The following GPM6A variants were observed in gnomAD, a reference collection of about 807,000 sequenced individuals.
GPM6A encodes the protein neuronal membrane glycoprotein M6-a.
In GPM6A, 7 loss-of-function variants were observed where a neutral mutation model predicts 32.1. The observed-to-expected ratio is 0.22, with a 90% CI of 0.12 to 0.41. The LOEUF (loss-of-function observed/expected upper bound fraction) is 0.41, where lower values mean the gene tolerates loss of function less well. GPM6A is among the 10% of genes least tolerant of loss of function. GPM6A has a pLI of 1.00. For synonymous variants in GPM6A, 130 were observed against 123.4 expected, an observed-to-expected ratio of 1.05 and a Z score of -0.35; for missense variants, 235 against 347.2, an observed-to-expected ratio of 0.68 and a Z score of 2.57.
chr4:175,825,405 C>A (rs1428416904), intron 1 of GPM6A, among the ~76,000 whole-genome samples: 1 of 152,090 alleles, frequency 6.6e-6, no homozygotes, highest in African/African-American at 2.4e-5. Flanking sequence ...TTACCATTGC[C>A]CAGAGGTAAA....
intron 1 of GPM6A, among the ~76,000 whole-genome samples, chr4:175,885,027 A>G (rs1417243204): frequency 6.6e-6 from 1 of 152,204 alleles, no homozygotes; most frequent in Non-Finnish European, 1.5e-5. Flanking sequence ...ATGATTAGCA[A>G]TTCCGCTCTA....
intron 1 of GPM6A, among the ~76,000 whole-genome samples, chr4:175,724,849 C>T (rs1278858901): frequency 1.3e-5 from 2 of 152,066 alleles, no homozygotes; most frequent in Non-Finnish European, 2.9e-5. Context: ...TGTTGTCCCT[C>T]ATAACTGCTC....
chr4:175,746,128 T>C (rs1327271075), intron 1 of GPM6A, among the ~76,000 whole-genome samples: 6 of 152,148 alleles, frequency 3.9e-5, no homozygotes, highest in Non-Finnish European at 8.8e-5. Context: ...AAGGCTAAAA[T>C]TTCTATGTAA....
chr4:175,679,203 C>A (rs1217531176), intron 2 of GPM6A, among the ~76,000 whole-genome samples: 1 of 152,048 alleles, frequency 6.6e-6, no homozygotes, highest in African/African-American at 2.4e-5. Flanking sequence ...GTCTTAATGA[C>A]ATTTATGTTG....
At chr4:175,714,050 A>T (rs1276577312) in intron 1 of GPM6A, among the ~76,000 whole-genome samples, 1 of 151,844 alleles carries the variant, frequency 6.6e-6, no homozygotes. Context: ...CTATTTGTGG[A>T]TGGGTATCAA....
chr4:175,961,637 G>A (rs1740166065), intron 1 of GPM6A, among the ~76,000 whole-genome samples: 1 of 152,116 alleles, frequency 6.6e-6, no homozygotes, highest in Non-Finnish European at 1.5e-5. Context: ...CTACCTTCAG[G>A]AGCCCTACCA....
At chr4:175,678,040 C>T (rs990459078) in intron 2 of GPM6A, among the ~76,000 whole-genome samples, 2 of 152,070 alleles carry the variant, frequency 1.3e-5, no homozygotes, top group South Asian at 2.1e-4. Context: ...GAAAAAACAG[C>T]GTATACGTCT....
chr4:175,996,648 C>G (rs1358143827), intron 1 of GPM6A, among the ~76,000 whole-genome samples: 1 of 152,176 alleles, frequency 6.6e-6, no homozygotes, highest in East Asian at 1.9e-4. Context: ...TCCACCCAGG[C>G]ATGAATTTCC....
At chr4:175,745,069 A>G (rs1037836952) in intron 1 of GPM6A, among the ~76,000 whole-genome samples, 4 of 149,734 alleles carry the variant, frequency 2.7e-5, no homozygotes, top group African/African-American at 9.7e-5. Context: ...TATCTACTGC[A>G]GGAGCCATAA....
intron 1 of GPM6A, among the ~76,000 whole-genome samples, chr4:175,797,883 A>C (rs559331003): frequency 6.6e-6 from 1 of 152,276 alleles, no homozygotes; most frequent in African/African-American, 2.4e-5. Flanking sequence ...TAAATTATGA[A>C]TCACAATTGG....
At chr4:175,823,668 A>C (rs1473662372) in intron 1 of GPM6A, among the ~76,000 whole-genome samples, 2 of 152,230 alleles carry the variant, frequency 1.3e-5, no homozygotes, top group Non-Finnish European at 2.9e-5. Context: ...AACAAGACTC[A>C]AGTTTTCTCA....
At chr4:175,765,065 G>GT (rs753398714) in intron 1 of GPM6A, among the ~76,000 whole-genome samples, 6 of 151,934 alleles carry the variant, frequency 3.9e-5, no homozygotes, top group Non-Finnish European at 7.4e-5. Context: ...GCAGAGATGT[G>GT]TTTTTTCTAT....
At chr4:175,882,640 T>C (rs1178966501) in intron 1 of GPM6A, among the ~76,000 whole-genome samples, 1 of 151,988 alleles carries the variant, frequency 6.6e-6, no homozygotes, top group Non-Finnish European at 1.5e-5. Flanking sequence ...CTTTCATACA[T>C]TTAAAAAATA....
intron 1 of GPM6A, among the ~76,000 whole-genome samples, chr4:175,973,723 T>C (rs1164672899): frequency 6.6e-6 from 1 of 152,180 alleles, no homozygotes; most frequent in Non-Finnish European, 1.5e-5. Flanking sequence ...AGCAGTGAAA[T>C]GGCTAAGAAG....
At chr4:175,717,594 G>T (rs1745905064) in intron 1 of GPM6A, among the ~76,000 whole-genome samples, 2 of 152,012 alleles carry the variant, frequency 1.3e-5, no homozygotes, top group African/African-American at 4.8e-5. Context: ...AGTAATAAAA[G>T]ATAAACAGTC....
chr4:175,825,015 G>T (rs1339375633), intron 1 of GPM6A, among the ~76,000 whole-genome samples: 1 of 152,126 alleles, frequency 6.6e-6, no homozygotes, highest in African/African-American at 2.4e-5. Flanking sequence ...CTTTATTTAA[G>T]TCTTAACGCT....
At chr4:175,642,192 G>C (rs1238549210) in intron 4 of GPM6A, 1 of 152,064 alleles carries the variant, frequency 6.6e-6, no homozygotes, top group African/African-American at 2.4e-5. Context: ...TGCCAAGATG[G>C]TTCTAAGAGT....
intron 1 of GPM6A, among the ~76,000 whole-genome samples, chr4:175,958,124 T>C (rs1228257163): frequency 6.6e-6 from 1 of 152,186 alleles, no homozygotes; most frequent in East Asian, 1.9e-4. Flanking sequence ...AACTCCTTAC[T>C]TCAAGTGACC....
At chr4:175,872,943 A>AG (rs1736957281) in intron 1 of GPM6A, among the ~76,000 whole-genome samples, 1 of 152,184 alleles carries the variant, frequency 6.6e-6, no homozygotes, top group Admixed American at 6.5e-5. Flanking sequence ...ACCTTCATAA[A>AG]GGGATCAAAA....
Sources: allele counts gnomAD v4.1 joint callset (sites outside exome capture counted in the v4.1 genomes callset), GRCh38; gene constraint gnomAD v4.1.1; transcripts MANE v1.5; gene names NCBI Gene and HGNC (gene_info 2026-07-23, HGNC 2026-07-21).